The following ANK2 variants were observed in gnomAD, a reference collection of about 807,000 sequenced individuals.
The protein encoded by ANK2 is ankyrin 2, also known as ankyrin-2.
In ANK2, 83 loss-of-function variants were observed where a neutral mutation model predicts 360.5. The observed-to-expected ratio is 0.23, with a 90% CI of 0.19 to 0.28. ANK2 has a LOEUF of 0.28. Ranked by LOEUF, ANK2 falls within the 10% of genes least tolerant of loss-of-function variation. ANK2 has a pLI of 1.00. For missense variants in ANK2, 4,201 were observed against 4,795.7 expected (o/e 0.88, Z 3.66); for synonymous variants, 1,740 against 1,759.5 (o/e 0.99, Z 0.28).
chr4:112,939,416 T>G (rs2094021715), intron 2 of ANK2, among the ~76,000 whole-genome samples: 1 of 152,116 alleles, frequency 6.6e-6, no homozygotes, highest in Non-Finnish European at 1.5e-5. Context: ...TTCAAGCGAT[T>G]CTCCTGTCTC....
chr4:113,198,181 A>G (rs2098777328), intron 3 of ANK2, among the ~76,000 whole-genome samples: 2 of 152,102 alleles, frequency 1.3e-5, no homozygotes, highest in Non-Finnish European at 2.9e-5. Context: ...CTTACTTTTA[A>G]TCATAGAATT....
chr4:112,733,260 A>G, the ANK2 span, among the ~76,000 whole-genome samples: 1 of 152,102 alleles, frequency 6.6e-6, no homozygotes, highest in African/African-American at 2.4e-5. Flanking sequence ...TAACACTGTT[A>G]TTTATATCTC....
At chr4:112,804,413 G>A in the ANK2 span, among the ~76,000 whole-genome samples, 2 of 152,174 alleles carry the variant, frequency 1.3e-5, no homozygotes, top group Admixed American at 6.5e-5. Flanking sequence ...ATGAATGAGT[G>A]TATGAAGGGA....
Position 112,850,331 on chromosome 4 carries a change from G to GTCCATCCATCCATCCATCCATCCA in ANK2, c.-40+32072_-40+32095dup, listed in dbSNP as rs139812761. 2.1e-3 allele frequency among the ~76,000 whole-genome samples: 306 copies of GTCCATCCATCCATCCATCCATCCA among 143,126 alleles called. 3 individuals carry two copies. Among genetic ancestry groups the GTCCATCCATCCATCCATCCATCCA allele is most frequent in the Admixed American group, 8.2e-3 (115 of 13,968 alleles). The allele number at this position is 143,126 out of a possible 152,430, so 93.9% of individuals were successfully genotyped here. A position where few individuals can be genotyped will look rare whatever the true frequency, so the allele number is the denominator to read the frequency against. ...TGTTCATCCATCCATCCATTCATCT[G>GTCCATCCATCCATCCATCCATCCA]TCCATCCATCCATCCATCCATCCAT... On this transcript the variant is annotated intron_variant, in intron 1 of 30. Coordinates refer to the ANK2 transcript ENST00000503271.
intron 1 of ANK2, among the ~76,000 whole-genome samples, chr4:113,154,060 A>G (rs10516592): frequency 0.14 from 21,919 of 152,162 alleles, 2,302 homozygotes; most frequent in African/African-American, 0.29. Context: ...ATGTATTGCC[A>G]AAATTCTATT....
chr4:112,922,115 T>G (rs971445984), intron 2 of ANK2, among the ~76,000 whole-genome samples: 2 of 152,360 alleles, frequency 1.3e-5, no homozygotes, highest in East Asian at 3.9e-4. Context: ...TGTGCCCACA[T>G]ACACCAGTTT....
At chr4:112,917,207 C>T (rs1427686062) in intron 2 of ANK2, among the ~76,000 whole-genome samples, 2 of 152,202 alleles carry the variant, frequency 1.3e-5, no homozygotes, top group Non-Finnish European at 2.9e-5. Context: ...AAGTGACAAG[C>T]ACCACAATGA....
At chr4:113,089,702 C>G (rs1347668359) in intron 1 of ANK2, among the ~76,000 whole-genome samples, 1 of 151,948 alleles carries the variant, frequency 6.6e-6, no homozygotes, top group Non-Finnish European at 1.5e-5. Flanking sequence ...GTGCATGCCA[C>G]CATCCCAGCT....
intron 2 of ANK2, among the ~76,000 whole-genome samples, chr4:112,917,827 C>CT (rs746470588): frequency 3.9e-5 from 6 of 152,170 alleles, no homozygotes; most frequent in Non-Finnish European, 5.9e-5. Context: ...GGTGTTCTGA[C>CT]TTTATGGGTC....
At chr4:112,925,954 T>G (rs539236324) in intron 2 of ANK2, among the ~76,000 whole-genome samples, 34 of 152,362 alleles carry the variant, frequency 2.2e-4, no homozygotes, top group Admixed American at 2.0e-3. Context: ...GTTCTAGACC[T>G]CTACACAAAA....
At chr4:113,115,352 A>G (rs1255162318) in intron 1 of ANK2, among the ~76,000 whole-genome samples, 1 of 152,090 alleles carries the variant, frequency 6.6e-6, no homozygotes, top group Admixed American at 6.6e-5. Flanking sequence ...TGGAACATGA[A>G]TTTTCAGCTG....
chr4:112,905,274 T>C (rs1360885662), intron 2 of ANK2, among the ~76,000 whole-genome samples: 3 of 152,318 alleles, frequency 2.0e-5, no homozygotes, highest in African/African-American at 7.2e-5. Flanking sequence ...TTGACAATCA[T>C]GCAAATATCC....
At chr4:113,217,990 C>T (rs902458483) in intron 4 of ANK2, among the ~76,000 whole-genome samples, 1 of 152,194 alleles carries the variant, frequency 6.6e-6, no homozygotes, top group East Asian at 1.9e-4. Flanking sequence ...GGGCACACTG[C>T]CTGCTCTAAC....
At chr4:113,133,872 C>T (rs540868033) in intron 1 of ANK2, among the ~76,000 whole-genome samples, 28 of 152,090 alleles carry the variant, frequency 1.8e-4, no homozygotes, top group Non-Finnish European at 3.5e-4. Flanking sequence ...TCCAACTGAC[C>T]TTATAATGCT....
At chr4:112,800,496 T>C in the ANK2 span, among the ~76,000 whole-genome samples, 1 of 152,198 alleles carries the variant, frequency 6.6e-6, no homozygotes, top group Non-Finnish European at 1.5e-5. Context: ...TAAGTCCTAA[T>C]AGCTGTAAGG....
intron 2 of ANK2, among the ~76,000 whole-genome samples, chr4:112,966,169 T>A (rs1014245578): frequency 8.2e-4 from 124 of 151,874 alleles, no homozygotes; most frequent in African/African-American, 2.8e-3. Flanking sequence ...CTATGACATG[T>A]TTCCTTTTCT....
intron 2 of ANK2, among the ~76,000 whole-genome samples, chr4:112,982,584 G>T (rs2043430033): frequency 1.3e-5 from 2 of 152,084 alleles, no homozygotes; most frequent in South Asian, 4.2e-4. Flanking sequence ...AAGCTAAGGG[G>T]GAACTTATAG....
chr4:113,034,023 C>T (rs1049394184), intron 2 of ANK2: 2 of 151,776 alleles, frequency 1.3e-5, no homozygotes, highest in Non-Finnish European at 2.9e-5. Flanking sequence ...TGCCATGCCC[C>T]GTTAGCTAAT....
intron 2 of ANK2, among the ~76,000 whole-genome samples, chr4:112,955,360 A>G (rs2095280315): frequency 6.6e-6 from 1 of 152,180 alleles, no homozygotes; most frequent in Non-Finnish European, 1.5e-5. Flanking sequence ...ATTAAAGATT[A>G]TGCTCGAGGC....
Sources: allele counts gnomAD v4.1 joint callset (sites outside exome capture counted in the v4.1 genomes callset), GRCh38; gene constraint gnomAD v4.1.1; transcripts MANE v1.5; gene names NCBI Gene and HGNC (gene_info 2026-07-23, HGNC 2026-07-21).